AEBP2: variants seen among roughly 807,000 people sequenced by gnomAD.
The protein encoded by AEBP2 is AE binding protein 2, also known as zinc finger protein AEBP2.
Under a neutral mutation model 50.8 loss-of-function variants are expected in AEBP2, and 10 were observed. The ratio of observed to expected loss-of-function variants is 0.20; its 90% CI spans 0.12 to 0.33. The LOEUF (loss-of-function observed/expected upper bound fraction) is 0.33, where lower values mean the gene tolerates loss of function less well. Ranked by LOEUF, AEBP2 falls within the 10% of genes least tolerant of loss-of-function variation. The pLI is 1.00. For missense variants in AEBP2, 570 were observed against 688.0 expected (o/e 0.83, Z 1.92); for synonymous variants, 296 against 261.3 (o/e 1.13, Z -1.28).
At chr12:19,461,192 A>G (rs1032403248) in intron 1 of AEBP2, among the ~76,000 whole-genome samples, 4 of 152,190 alleles carry the variant, frequency 2.6e-5, no homozygotes, top group African/African-American at 9.7e-5. Context: ...TGTTTCTTAA[A>G]TTGCAAGCAG....
chr12:19,423,343 A>C (rs1366147349), intron 1 of AEBP2, among the ~76,000 whole-genome samples: 4 of 152,152 alleles, frequency 2.6e-5, no homozygotes, highest in African/African-American at 9.7e-5. Flanking sequence ...ATCTGAATAG[A>C]AGATTGGCTG....
At chr12:19,456,302 C>T (rs757085103) in intron 1 of AEBP2, 16 of 1,512,584 alleles carry the variant, frequency 1.1e-5, no homozygotes, top group African/African-American at 1.4e-5. Flanking sequence ...CTCCAGCAGC[C>T]TTCTTGTTCA....
rs928220567 is a variant in AEBP2 at position 19,521,144 on chromosome 12, C to T, written c.*3027C>T. ...AGGGATACTCAGCCTGTCTCTGGTCCTTTAAGAAAAAGTTTTCGATTCCTT... is the reference window on the plus strand; with the variant it reads ...AGGGATACTCAGCCTGTCTCTGGTCTTTTAAGAAAAAGTTTTCGATTCCTT... On this transcript the variant is annotated 3_prime_UTR_variant, in exon 8 of 8. Coordinates refer to ENST00000266508, the MANE Select transcript of AEBP2 (RefSeq NM_153207.5). 2 of 152,234 alleles carry T rather than the reference C, an allele frequency of 1.3e-5. No individual in the cohort carries two copies. Among genetic ancestry groups the T allele is most frequent in the African/African-American group, 4.8e-5 (2 of 41,554 alleles). 9.4% of individuals were successfully genotyped at this position (152,234 alleles called of 1,614,324 possible).
At chr12:19,445,494 A>G (rs1481501031) in intron 1 of AEBP2, among the ~76,000 whole-genome samples, 3 of 151,858 alleles carry the variant, frequency 2.0e-5, no homozygotes, top group Non-Finnish European at 2.9e-5. Context: ...GATTATGGGC[A>G]TGAGCCACCG....
rs1043112866 is a variant in AEBP2, at chr12:19,518,935, A to G, written c.*818A>G. 2.0e-4 allele frequency: 63 copies of G among 319,918 alleles called. No homozygotes were observed. Among genetic ancestry groups the G allele is most frequent in the African/African-American group, 1.2e-3 (57 of 46,572 alleles). The allele number at this position is 319,918 out of a possible 1,614,324, so 19.8% of individuals were successfully genotyped here. ...TAATCTTCATATTTTCATTTAACCT[A>G]TATGACTCTAATTTTTTTTCTGAGG... On this transcript the variant is annotated 3_prime_UTR_variant, in exon 8 of 8. Transcript: ENST00000266508.
intron 1 of AEBP2, among the ~76,000 whole-genome samples, chr12:19,447,612 C>T (rs933404615): frequency 6.6e-6 from 1 of 152,206 alleles, no homozygotes; most frequent in South Asian, 2.1e-4. Context: ...GCTTCCTTAT[C>T]TGTAAAATAG....
chr12:19,461,861 C>T (rs117742201), intron 1 of AEBP2, among the ~76,000 whole-genome samples: 3,233 of 152,108 alleles, frequency 0.021, 42 homozygotes, highest in East Asian at 0.043. Flanking sequence ...TTGGCATTTT[C>T]AGTCTTTTTT....
intron 1 of AEBP2, among the ~76,000 whole-genome samples, chr12:19,459,679 A>T (rs899028947): frequency 1.3e-5 from 2 of 152,204 alleles, no homozygotes; most frequent in African/African-American, 4.8e-5. Flanking sequence ...TTTTACAGAG[A>T]TTACAGAGTT....
At chr12:19,492,448 G>A (rs921146914) in intron 3 of AEBP2, among the ~76,000 whole-genome samples, 1 of 152,060 alleles carries the variant, frequency 6.6e-6, no homozygotes, top group African/African-American at 2.4e-5. Flanking sequence ...AGTACAGAAG[G>A]CTAAAGAGGC....
chr12:19,498,593 C>G (rs1380740791), intron 4 of AEBP2, among the ~76,000 whole-genome samples: 1 of 152,126 alleles, frequency 6.6e-6, no homozygotes, highest in African/African-American at 2.4e-5. Context: ...ACCAGGGAAT[C>G]AAGCCAACTC....
intron 1 of AEBP2, chr12:19,457,097 T>C (rs16915479): frequency 0.11 from 171,775 of 1,602,666 alleles, 11,737 homozygotes; most frequent in African/African-American, 0.23. Flanking sequence ...TAGCCAATTT[T>C]CTTAATTTAA....
At chr12:19,488,764 C>T (rs765460375) in intron 3 of AEBP2, among the ~76,000 whole-genome samples, 4 of 152,028 alleles carry the variant, frequency 2.6e-5, no homozygotes, top group Non-Finnish European at 5.9e-5. Context: ...TTCTGTGTTT[C>T]AAATTTTAGA....
chr12:19,498,985 A>G (rs1006517560), intron 4 of AEBP2, among the ~76,000 whole-genome samples: 5 of 152,200 alleles, frequency 3.3e-5, no homozygotes, highest in Non-Finnish European at 2.9e-5. Context: ...ACTGGACTCT[A>G]GCACCTTGGG....
chr12:19,446,750 AAG>A (rs1484669557), intron 1 of AEBP2, among the ~76,000 whole-genome samples: 8 of 129,736 alleles, frequency 6.2e-5, no homozygotes, highest in African/African-American at 2.1e-4. Flanking sequence ...AAAAAAAAAA[AAG>A]ATCTCATCTA....
At chr12:19,509,051 C>A in intron 5 of AEBP2, 1 of 595,368 alleles carries the variant, frequency 1.7e-6, no homozygotes. Context: ...TGGCATGTGC[C>A]CAGGCAGACA....
intron 3 of AEBP2, among the ~76,000 whole-genome samples, chr12:19,485,046 T>A (rs1948787118): frequency 6.6e-6 from 1 of 152,178 alleles, no homozygotes; most frequent in Non-Finnish European, 1.5e-5. Flanking sequence ...ATATAAGAGA[T>A]TATTTATTAA....
chr12:19,454,402 T>C (rs923668899), intron 1 of AEBP2, among the ~76,000 whole-genome samples: 2 of 152,164 alleles, frequency 1.3e-5, no homozygotes, highest in African/African-American at 4.8e-5. Flanking sequence ...AAGGGAGGAT[T>C]CACAAAGTAA....
At chr12:19,486,760 C>T (rs2120393417) in intron 3 of AEBP2, among the ~76,000 whole-genome samples, 1 of 152,154 alleles carries the variant, frequency 6.6e-6, no homozygotes, top group South Asian at 2.1e-4. Context: ...ATATTCATTC[C>T]TCTTAACTAT....
At chr12:19,500,823 A>C (rs1565733353) in intron 5 of AEBP2, among the ~76,000 whole-genome samples, 1 of 152,210 alleles carries the variant, frequency 6.6e-6, no homozygotes, top group Non-Finnish European at 1.5e-5. Flanking sequence ...AGAAGAAGAA[A>C]AGTACCAAAT....
Sources: allele counts gnomAD v4.1 joint callset (sites outside exome capture counted in the v4.1 genomes callset), GRCh38; gene constraint gnomAD v4.1.1; transcripts MANE v1.5; gene names NCBI Gene and HGNC (gene_info 2026-07-23, HGNC 2026-07-21).